The following CSMD1 variants were observed in gnomAD, a reference collection of about 807,000 sequenced individuals.
The protein encoded by CSMD1 is CUB and sushi domain-containing protein 1.
A neutral mutation model predicts 417.5 loss-of-function variants in CSMD1; 213 were observed. That is an observed-to-expected ratio of 0.51 (90% CI 0.46 to 0.57). The LOEUF is 0.57. CSMD1 is among the 20% of genes least tolerant of loss of function. The pLI, the probability that CSMD1 is intolerant of heterozygous loss-of-function variation, is 0.00. For missense variants in CSMD1, 6,923 were observed against 4,529.7 expected (o/e 1.53, Z -15.17); for synonymous variants, 2,862 against 1,736.8 (o/e 1.65, Z -16.11).
intron 3 of CSMD1, among the ~76,000 whole-genome samples, chr8:4,066,252 A>G (rs1799242195): frequency 6.6e-6 from 1 of 152,094 alleles, no homozygotes. Context: ...TCCTGTTCCC[A>G]CTGCACCTCT....
At chr8:4,716,297 G>A (rs932727112) in intron 1 of CSMD1, among the ~76,000 whole-genome samples, 4 of 152,130 alleles carry the variant, frequency 2.6e-5, no homozygotes, top group African/African-American at 7.2e-5. Flanking sequence ...ACCCAGAAAG[G>A]GCACAAAGAA....
At chr8:3,258,335 T>A (rs1304316243) in intron 26 of CSMD1, among the ~76,000 whole-genome samples, 1 of 152,042 alleles carries the variant, frequency 6.6e-6, no homozygotes, top group Non-Finnish European at 1.5e-5. Flanking sequence ...CCAACAATCG[T>A]GGAAAAAAGC....
chr8:3,003,090 G>C (rs534680695), intron 52 of CSMD1, among the ~76,000 whole-genome samples: 37 of 152,106 alleles, frequency 2.4e-4, no homozygotes, highest in Non-Finnish European at 4.0e-4. Context: ...CGTTAATTCT[G>C]TTTTAAAACA....
At chr8:3,392,997 C>A (rs1811439247) in intron 17 of CSMD1, among the ~76,000 whole-genome samples, 2 of 152,120 alleles carry the variant, frequency 1.3e-5, no homozygotes, top group Admixed American at 1.3e-4. Flanking sequence ...TTTCTTACAA[C>A]AAGCAAACAA....
chr8:4,554,106 TTATTA>T (rs2130578622), intron 2 of CSMD1, among the ~76,000 whole-genome samples: 1 of 152,274 alleles, frequency 6.6e-6, no homozygotes, highest in Non-Finnish European at 1.5e-5. Flanking sequence ...TTCAACATAT[TTATTA>T]TATTAGTCAC....
intron 2 of CSMD1, among the ~76,000 whole-genome samples, chr8:4,500,807 T>C (rs748066651): frequency 2.6e-5 from 4 of 152,144 alleles, no homozygotes; most frequent in Non-Finnish European, 5.9e-5. Flanking sequence ...CATGTTGACT[T>C]ACGGAAAACA....
chr8:4,989,409 G>C (rs1260449891), intron 1 of CSMD1, among the ~76,000 whole-genome samples: 3 of 152,134 alleles, frequency 2.0e-5, no homozygotes, highest in African/African-American at 2.4e-5. Flanking sequence ...CAACAGGCTG[G>C]TAATATTTCC....
At chr8:3,728,902 C>G (rs370595587) in intron 6 of CSMD1, among the ~76,000 whole-genome samples, 11 of 152,314 alleles carry the variant, frequency 7.2e-5, no homozygotes, top group East Asian at 5.8e-4. Flanking sequence ...GGTTTTCAAT[C>G]TATCACCGAC....
intron 3 of CSMD1, among the ~76,000 whole-genome samples, chr8:4,271,296 C>T (rs982996583): frequency 6.6e-6 from 1 of 152,152 alleles, no homozygotes. Context: ...CAGCAGGCAA[C>T]CATCAACCCA....
intron 5 of CSMD1, among the ~76,000 whole-genome samples, chr8:3,923,424 AATTTGCTTATTGGATC>A (rs1255671863): frequency 6.6e-6 from 1 of 152,136 alleles, no homozygotes; most frequent in Non-Finnish European, 1.5e-5. Context: ...TGATTATATT[AATTTGCTTATTGGATC>A]ATTTGCTTAT....
intron 1 of CSMD1, among the ~76,000 whole-genome samples, chr8:4,963,147 C>G (rs1026474942): frequency 6.6e-6 from 1 of 152,090 alleles, no homozygotes; most frequent in African/African-American, 2.4e-5. Context: ...CAGTCAATTG[C>G]CCTCTGTAAG....
chr8:4,059,920 G>T (rs1260399917), intron 3 of CSMD1, among the ~76,000 whole-genome samples: 1 of 151,624 alleles, frequency 6.6e-6, no homozygotes, highest in African/African-American at 2.4e-5. Flanking sequence ...AGAAAAAGAG[G>T]GAATCCTCCC....
At chr8:3,231,966 C>T (rs1190244441) in intron 26 of CSMD1, among the ~76,000 whole-genome samples, 1 of 151,738 alleles carries the variant, frequency 6.6e-6, no homozygotes, top group Admixed American at 6.6e-5. Context: ...CTGTCTTCAC[C>T]ACTCTCTTTC....
rs551804407 is a variant in CSMD1, at chr8:4,757,894, G to T, written c.86-120336C>A. 1.0e-4 allele frequency among the ~76,000 whole-genome samples: 15 copies of T among 150,512 alleles called. No homozygotes were observed. In the East Asian group the frequency reaches 2.4e-3, roughly 24 times the overall value. Reference sequence around the variant, plus strand: ...GAATCGCTTGAACCTGGGAGGCAGCGGTTGAAGGGAGCCGACATTGTGCCA... The same window carrying T: ...GAATCGCTTGAACCTGGGAGGCAGCTGTTGAAGGGAGCCGACATTGTGCCA... On this transcript the variant is annotated intron_variant, in intron 1 of 69. Transcript: ENST00000635120.
intron 7 of CSMD1, among the ~76,000 whole-genome samples, chr8:3,688,856 AG>A (rs1800082124): frequency 6.6e-6 from 1 of 152,220 alleles, no homozygotes; most frequent in Non-Finnish European, 1.5e-5. Flanking sequence ...TCAATTAAAA[AG>A]AATAGAGAGA....
chr8:3,510,789 T>G (rs1398998691), intron 10 of CSMD1, among the ~76,000 whole-genome samples: 1 of 151,878 alleles, frequency 6.6e-6, no homozygotes, highest in Non-Finnish European at 1.5e-5. Context: ...CTATGTTTAT[T>G]AGCCGCATAA....
chr8:3,951,345 C>A (rs893868475), intron 5 of CSMD1, among the ~76,000 whole-genome samples: 1 of 152,116 alleles, frequency 6.6e-6, no homozygotes, highest in Non-Finnish European at 1.5e-5. Flanking sequence ...GTGTCCTGAA[C>A]GGAGCAGGAA....
intron 2 of CSMD1, among the ~76,000 whole-genome samples, chr8:4,425,325 T>A (rs1185465209): frequency 1.3e-5 from 2 of 150,740 alleles, no homozygotes; most frequent in Non-Finnish European, 2.9e-5. Flanking sequence ...AATATATGCA[T>A]GTGATCTGAT....
At chr8:4,714,255 A>G (rs961316334) in intron 1 of CSMD1, among the ~76,000 whole-genome samples, 10 of 152,306 alleles carry the variant, frequency 6.6e-5, no homozygotes, top group Non-Finnish European at 1.3e-4. Flanking sequence ...AGTCAGCAGA[A>G]ATATACTCAT....
Sources: gnomAD v4.1 joint callset for allele counts (sites outside exome capture counted in the v4.1 genomes callset) on GRCh38, gnomAD v4.1.1 for gene constraint, MANE v1.5 for transcripts, NCBI Gene and HGNC (gene_info 2026-07-23, HGNC 2026-07-21) for gene names.